ASMTL: variants seen among roughly 807,000 people sequenced by gnomAD.
ASMTL encodes probable bifunctional dTTP/UTP pyrophosphatase/methyltransferase protein.
ASMTL carries 57 observed loss-of-function variants against 60.3 expected under a neutral mutation model. That is an observed-to-expected ratio of 0.95 (90% confidence interval 0.76 to 1.18). The LOEUF (loss-of-function observed/expected upper bound fraction) is 1.18, where lower values mean the gene tolerates loss of function less well. Ranked by LOEUF, ASMTL falls within the 50% of genes most tolerant of loss-of-function variation. ASMTL has a pLI of 0.00. For synonymous variants in ASMTL, 419 were observed against 373.0 expected (o/e 1.12, Z -1.42); for missense variants, 981 against 852.6 (o/e 1.15, Z -1.88).
chrX:1,432,036 G>C (rs1446365362), intron 6 of ASMTL: 3 of 583,980 alleles, frequency 5.1e-6, no homozygotes, highest in Non-Finnish European at 9.2e-6. Context: ...CCGCAGCCCA[G>C]CGTTGGCTCC....
intron 1 of ASMTL, among the ~76,000 whole-genome samples, chrX:1,449,088 A>C (rs1394794332): frequency 2.0e-5 from 3 of 152,100 alleles, no homozygotes; most frequent in African/African-American, 7.2e-5. Context: ...TTTGCCTCAC[A>C]GGGAAACATT....
In ASMTL at chrX:1,421,961, G is replaced by A. The variant is rs377052853; in HGVS notation, c.1061-119C>T. The A allele has an allele frequency of 5.3e-5, 50 of 937,568 alleles. 1 individual carries two copies. The Admixed American group carries it at 8.4e-4, about 16-fold the overall frequency. The allele number at this position is 937,568 out of a possible 1,614,324, so 58.1% of individuals were successfully genotyped here. A position where few individuals can be genotyped will look rare whatever the true frequency, so the allele number is the denominator to read the frequency against. On this transcript the variant is annotated intron_variant, in intron 8 of 12. Coordinates refer to ENST00000381317, the MANE Select transcript of ASMTL (RefSeq NM_004192.4). ...ATCACCCATCTGACTATAGCAAACC[G>A]TACACTCAAGGAAACCTGACCATAG...
At position 1,431,959 on chromosome X, in the gene ASMTL, C is replaced by A. The variant is rs758801346; in HGVS notation, c.509+310G>T. The A allele has an allele frequency of 1.2e-3, 532 of 437,210 alleles. 8 individuals carry two copies. Among genetic ancestry groups the A allele is most frequent in the African/African-American group, 9.7e-3 (491 of 50,670 alleles). The allele number at this position is 437,210 out of a possible 1,614,324, so 27.1% of individuals were successfully genotyped here. A position where few individuals can be genotyped will look rare whatever the true frequency, so the allele number is the denominator to read the frequency against. On this transcript the variant is annotated intron_variant, in intron 6 of 12. Transcript: ENST00000381317. ...TTGCAGCCAGCGTCCTGGGCACAGA[C>A]CTCTGGGGTCTCCTCCTCCCACCAC...
chrX:1,413,009 G>T, intron 11 of ASMTL, 155 bp from the exon 12 acceptor site: 2 of 780,818 alleles, frequency 2.6e-6, no homozygotes, highest in South Asian at 1.6e-5. Flanking sequence ...TCCCCGTGGG[G>T]ACTTGAACAG....
chrX:1,428,165 G>T (rs2090666458), intron 6 of ASMTL, 44 bp from the exon 7 acceptor site: 7 of 1,562,358 alleles, frequency 4.5e-6, no homozygotes, highest in Non-Finnish European at 6.1e-6. Context: ...GAGGAGAAAA[G>T]TTCCTGGGTC....
At chrX:1,428,367 C>T (rs781691208) in intron 6 of ASMTL, among the ~76,000 whole-genome samples, 4 of 150,862 alleles carry the variant, frequency 2.7e-5, no homozygotes, top group Admixed American at 6.6e-5. Flanking sequence ...CAAGGCTGGG[C>T]GCAATGGCTC....
chrX:1,405,980 A>G (rs1351718363), intron 12 of ASMTL, among the ~76,000 whole-genome samples: 8 of 151,082 alleles, frequency 5.3e-5, no homozygotes, highest in African/African-American at 1.7e-4. Flanking sequence ...ACGTAGATAG[A>G]TGAATGGATG....
At chrX:1,410,430 T>C (rs183974117) in intron 12 of ASMTL, among the ~76,000 whole-genome samples, 251 of 151,938 alleles carry the variant, frequency 1.7e-3, no homozygotes, top group African/African-American at 5.2e-3. Context: ...TTTTTTTTTT[T>C]CTGAGACGGA....
intron 1 of ASMTL, 150 bp downstream of exon 1, chrX:1,452,598 T>A (rs1361954859): frequency 1.6e-6 from 1 of 626,066 alleles, no homozygotes; most frequent in African/African-American, 1.9e-5. Context: ...ACCCTATCCC[T>A]GGAGGTCCCG....
intron 11 of ASMTL, chrX:1,413,084 T>C (rs2090098615): frequency 1.8e-6 from 1 of 567,410 alleles, no homozygotes; most frequent in Non-Finnish European, 3.2e-6. Context: ...GAGAAAACGC[T>C]GGGGACAGTG....
chrX:1,433,420 C>T (rs2090864991), intron 5 of ASMTL, among the ~76,000 whole-genome samples: 1 of 146,916 alleles, frequency 6.8e-6, no homozygotes, highest in East Asian at 2.1e-4. Flanking sequence ...CATCCCAGCA[C>T]TTTGGGAGGC....
chrX:1,432,109 T>A, intron 6 of ASMTL, 160 bp downstream of exon 6: 1 of 634,756 alleles, frequency 1.6e-6, no homozygotes, highest in Non-Finnish European at 2.8e-6. Flanking sequence ...AGTGTGGTCG[T>A]GAAGGGTTTG....
chrX:1,436,551 A>T (rs866013380), intron 3 of ASMTL, among the ~76,000 whole-genome samples: 128 of 146,856 alleles, frequency 8.7e-4, no homozygotes, highest in Admixed American at 9.5e-4. Context: ...ACGGGGTTTC[A>T]CCATGTTGGC....
At chrX:1,421,958 A>C in intron 8 of ASMTL, 116 bp from the exon 9 acceptor site, 1 of 973,704 alleles carries the variant, frequency 1.0e-6, no homozygotes, top group Non-Finnish European at 1.6e-6. Flanking sequence ...ACTATAGCAA[A>C]CCGTACACTC....
chrX:1,417,290 C>G (rs1201601585), intron 11 of ASMTL, among the ~76,000 whole-genome samples: 1 of 49,574 alleles, frequency 2.0e-5, no homozygotes, highest in Admixed American at 3.1e-4. Context: ...CAAATGCAGA[C>G]ACAGACGGGC....
At chrX:1,410,416 CTT>C (rs761882872) in intron 12 of ASMTL, among the ~76,000 whole-genome samples, 3 of 145,708 alleles carry the variant, frequency 2.1e-5, no homozygotes, top group Non-Finnish European at 3.0e-5. Context: ...CCACAAAAAA[CTT>C]TTTTTTTTTT....
At chrX:1,410,895 A>C (rs1397058698) in intron 12 of ASMTL, among the ~76,000 whole-genome samples, 1 of 150,852 alleles carries the variant, frequency 6.6e-6, no homozygotes, top group Non-Finnish European at 1.5e-5. Flanking sequence ...GTCTCAAAAA[A>C]TATAATAGAG....
intron 2 of ASMTL, among the ~76,000 whole-genome samples, chrX:1,440,305 T>C (rs1205060805): frequency 6.6e-6 from 1 of 151,996 alleles, no homozygotes; most frequent in Non-Finnish European, 1.5e-5. Flanking sequence ...TGAGCCAGGA[T>C]GGTCTTGAAC....
In ASMTL at chrX:1,412,623, A is replaced by C. The variant is rs1426528992; in HGVS notation, c.1645+109T>G. ...GGTGATCCGCCCGCCTCGGCCTCCC[A>C]AAGCGCTGGGATGACAGGCGTGAGC... On this transcript the variant is annotated intron_variant, in intron 12 of 12. Transcript: ENST00000381317. 3 of 1,491,510 alleles carry C rather than the reference A, an allele frequency of 2.0e-6. No homozygotes were observed. In the African/African-American group the frequency reaches 4.2e-5, roughly 21 times the overall value. The allele number at this position is 1,491,510 out of a possible 1,614,324, so 92.4% of individuals were successfully genotyped here. A position where few individuals can be genotyped will look rare whatever the true frequency, so the allele number is the denominator to read the frequency against.
Sources: allele counts gnomAD v4.1 joint callset (sites outside exome capture counted in the v4.1 genomes callset), GRCh38; gene constraint gnomAD v4.1.1; transcripts MANE v1.5; gene names NCBI Gene and HGNC (gene_info 2026-07-23, HGNC 2026-07-21).